USH2A: variants seen among roughly 807,000 people sequenced by gnomAD.
The protein encoded by USH2A is usherin.
Under a neutral mutation model 538.9 loss-of-function variants are expected in USH2A, and 443 were observed. The ratio of observed to expected loss-of-function variants is 0.82; its 90% CI spans 0.76 to 0.89. The LOEUF is 0.89. Among genes scored for constraint, USH2A ranks in the 40% least tolerant of loss-of-function variants. The pLI is 0.00. For synonymous variants in USH2A, 2,413 were observed against 2,273.5 expected (o/e 1.06, Z -1.75); for missense variants, 6,633 against 6,324.8 (o/e 1.05, Z -1.65).
At chr1:215,648,885 C>A in intron 65 of USH2A, 119 bp from the exon 66 acceptor site, 1 of 959,920 alleles carries the variant, frequency 1.0e-6, no homozygotes, top group Non-Finnish European at 1.7e-6. Flanking sequence ...CTGGGAGACA[C>A]AACATGGCAT....
chr1:216,025,856 T>C (rs1348118013), intron 32 of USH2A, among the ~76,000 whole-genome samples: 1 of 152,164 alleles, frequency 6.6e-6, no homozygotes, highest in East Asian at 1.9e-4. Flanking sequence ...TTTTGCATAA[T>C]AGAGCTACAC....
chr1:216,019,121 T>C (rs919225574), intron 32 of USH2A, among the ~76,000 whole-genome samples: 2 of 152,230 alleles, frequency 1.3e-5, no homozygotes, highest in Non-Finnish European at 2.9e-5. Flanking sequence ...CCTAGAATTT[T>C]ATCTGGCTAG....
chr1:216,294,160 G>A (rs2037059318), intron 9 of USH2A, among the ~76,000 whole-genome samples: 4 of 152,126 alleles, frequency 2.6e-5, no homozygotes, highest in South Asian at 2.1e-4. Context: ...ACAATTTATG[G>A]ACAAAGCAAA....
rs186433612 is a variant in USH2A, at chr1:216,252,143, C to T, written c.1972-1045G>A. On this transcript the variant is annotated intron_variant, in intron 11 of 71. Transcript: ENST00000307340. ...GAAAAGAATGCAAATACATAAAATA[C>T]AGTGTTCATCTACTACATGCATAGT... Among the ~76,000 whole-genome samples, 1,019 of 152,280 alleles carry T rather than the reference C, an allele frequency of 6.7e-3. 9 individuals are homozygous for T. The highest frequency in any genetic ancestry group is 9.5e-3 in the Non-Finnish European group (643 of 68,008).
At chr1:216,118,994 A>T (rs1256303170) in intron 21 of USH2A, among the ~76,000 whole-genome samples, 2 of 152,232 alleles carry the variant, frequency 1.3e-5, no homozygotes, top group Non-Finnish European at 2.9e-5. Flanking sequence ...AAGTGTGCAC[A>T]GCTTCTGAGA....
At chr1:215,936,248 C>T (rs888569851) in intron 37 of USH2A, among the ~76,000 whole-genome samples, 2 of 151,894 alleles carry the variant, frequency 1.3e-5, no homozygotes, top group Non-Finnish European at 2.9e-5. Flanking sequence ...TGAACAAATG[C>T]TTAAAAAGTA....
At chr1:215,662,622 T>C (rs1657477036) in intron 64 of USH2A, among the ~76,000 whole-genome samples, 1 of 152,262 alleles carries the variant, frequency 6.6e-6, no homozygotes, top group Middle Eastern at 3.2e-3. Context: ...TGGCGAACTT[T>C]AGTTTTCTAT....
rs1655953295 is a variant in USH2A, at chr1:215,624,774, T to C, written c.*1007A>G. Reference sequence around the variant, plus strand: ...GATATAGTGCAGAGTAATATATACATGATATACATATATATACACATAGGT... The same window carrying C: ...GATATAGTGCAGAGTAATATATACACGATATACATATATATACACATAGGT... On this transcript the variant is annotated 3_prime_UTR_variant, in exon 72 of 72. Transcript: ENST00000307340. 1 of 152,122 alleles carries C rather than the reference T, an allele frequency of 6.6e-6. No individual in the cohort carries two copies. Among genetic ancestry groups the C allele is most frequent in the African/African-American group, 2.4e-5 (1 of 41,438 alleles). 9.4% of individuals were successfully genotyped at this position (152,122 alleles called of 1,614,324 possible).
intron 5 of USH2A, 120 bp downstream of exon 5, chr1:216,327,471 G>T: frequency 8.5e-7 from 1 of 1,169,918 alleles, no homozygotes; most frequent in Non-Finnish European, 1.3e-6. Flanking sequence ...CATTAATTAG[G>T]TGAAGTTTGC....
At chr1:215,743,386 A>ATGTGTGTG (rs61304768) in intron 58 of USH2A, 51 bp from the exon 59 acceptor site, 29 of 328,560 alleles carry the variant, frequency 8.8e-5, no homozygotes, top group South Asian at 5.7e-4. Flanking sequence ...ATATATATAT[A>ATGTGTGTG]TGTGTGTGTG....
At chr1:215,663,262 G>A in intron 64 of USH2A, among the ~76,000 whole-genome samples, 1 of 152,106 alleles carries the variant, frequency 6.6e-6, no homozygotes, top group Admixed American at 6.5e-5. Context: ...GATCCTGGGG[G>A]GATCGGATGG....
intron 67 of USH2A, 80 bp from the exon 68 acceptor site, chr1:215,640,814 A>G: frequency 7.5e-7 from 1 of 1,339,600 alleles, no homozygotes; most frequent in African/African-American, 1.5e-5. Flanking sequence ...AAAAAAAAAT[A>G]TGAGCAAAAT....
chr1:215,747,523 T>C (rs1303883348), intron 58 of USH2A, among the ~76,000 whole-genome samples: 1 of 152,130 alleles, frequency 6.6e-6, no homozygotes, highest in Non-Finnish European at 1.5e-5. Flanking sequence ...ATAGAGACCA[T>C]TTGAGACTCA....
chr1:216,162,996 AG>A (rs1246385050), intron 21 of USH2A, among the ~76,000 whole-genome samples: 2 of 151,958 alleles, frequency 1.3e-5, no homozygotes, highest in African/African-American at 2.4e-5. Flanking sequence ...CCTGAATTCC[AG>A]TTTTTATTCC....
At chr1:216,310,106 C>A (rs945322998) in intron 9 of USH2A, among the ~76,000 whole-genome samples, 6 of 152,070 alleles carry the variant, frequency 3.9e-5, no homozygotes, top group African/African-American at 1.4e-4. Context: ...CAATCTCTCT[C>A]TTTTAATTGG....
chr1:216,106,812 T>C (rs1464511859), intron 21 of USH2A, among the ~76,000 whole-genome samples: 1 of 151,916 alleles, frequency 6.6e-6, no homozygotes, highest in Non-Finnish European at 1.5e-5. Flanking sequence ...CAGGCCTTAC[T>C]TGGGGTGCAT....
intron 61 of USH2A, among the ~76,000 whole-genome samples, chr1:215,684,522 C>A (rs1658345146): frequency 6.6e-6 from 1 of 152,182 alleles, no homozygotes; most frequent in African/African-American, 2.4e-5. Flanking sequence ...GTTTCCAGAG[C>A]TTTCCCTCTG....
chr1:216,103,738 C>T lies in USH2A; in HGVS notation c.4628-6525G>A, dbSNP rs114097938. 4.4e-3 allele frequency among the ~76,000 whole-genome samples: 665 copies of T among 152,204 alleles called. 10 individuals are homozygous for T. Among genetic ancestry groups the T allele is most frequent in the African/African-American group, 0.015 (637 of 41,540 alleles). On this transcript the variant is annotated intron_variant, in intron 21 of 71. Coordinates refer to ENST00000307340, the MANE Select transcript of USH2A (RefSeq NM_206933.4). ...GCCAAGCAACCCAATAGAAAATGAG[C>T]AAAACGTCTAAACAATCACTTGACT...
chr1:216,008,242 A>G (rs1228519198), intron 32 of USH2A, among the ~76,000 whole-genome samples: 2 of 151,748 alleles, frequency 1.3e-5, no homozygotes, highest in Non-Finnish European at 2.9e-5. Flanking sequence ...ACATTCCACC[A>G]TGAAAGAAGT....
Sources: allele counts gnomAD v4.1 joint callset (sites outside exome capture counted in the v4.1 genomes callset), GRCh38; gene constraint gnomAD v4.1.1; transcripts MANE v1.5; gene names NCBI Gene and HGNC (gene_info 2026-07-23, HGNC 2026-07-21).